Variants in ANKS1B observed in about 807,000 individuals in gnomAD.
The protein encoded by ANKS1B is ankyrin repeat and sterile alpha motif domain-containing protein 1B.
Under a neutral mutation model 148.3 loss-of-function variants are expected in ANKS1B, and 36 were observed. The ratio of observed to expected loss-of-function variants is 0.24; its 90% CI spans 0.19 to 0.32. ANKS1B has a LOEUF of 0.32. ANKS1B is among the 10% of genes least tolerant of loss of function. The pLI is 1.00. For synonymous variants in ANKS1B, 542 were observed against 560.8 expected (o/e 0.97, Z 0.47); for missense variants, 1,157 against 1,542.6 (o/e 0.75, Z 4.19).
intron 1 of ANKS1B, among the ~76,000 whole-genome samples, chr12:99,852,742 A>G (rs528635383): frequency 6.6e-6 from 1 of 152,342 alleles, no homozygotes; most frequent in South Asian, 2.1e-4. Flanking sequence ...GTGGATTGGC[A>G]CCGCAGGCTG....
At chr12:99,277,857 T>C (rs999598098) in intron 12 of ANKS1B, among the ~76,000 whole-genome samples, 1 of 152,244 alleles carries the variant, frequency 6.6e-6, no homozygotes, top group Non-Finnish European at 1.5e-5. Flanking sequence ...CATAGACTAT[T>C]CCTGAATAGG....
At chr12:99,234,309 G>GTAT (rs1270337753) in intron 14 of ANKS1B, among the ~76,000 whole-genome samples, 1 of 152,114 alleles carries the variant, frequency 6.6e-6, no homozygotes. Context: ...AAATCAATGT[G>GTAT]TATTAGACTT....
At position 99,230,520 on chromosome 12, in the gene ANKS1B, A is replaced by G. The variant is rs2086671687; in HGVS notation, c.2419+13822T>C. Among the ~76,000 whole-genome samples, 3 of 152,202 alleles carry G rather than the reference A, an allele frequency of 2.0e-5. No homozygotes were observed. The South Asian group carries it at 6.2e-4, about 31-fold the overall frequency. Reference sequence around the variant, plus strand: ...TCATAAGCAAATATTAGACCACAGAATAATACTCAACTATTTTACACTTAA... The same window carrying G: ...TCATAAGCAAATATTAGACCACAGAGTAATACTCAACTATTTTACACTTAA... On this transcript the variant is annotated intron_variant, in intron 14 of 26. Transcript: ENST00000683438.
At chr12:99,943,605 C>T (rs1049485726) in intron 1 of ANKS1B, among the ~76,000 whole-genome samples, 2 of 152,026 alleles carry the variant, frequency 1.3e-5, no homozygotes, top group African/African-American at 4.8e-5. Flanking sequence ...AGAGAACTCC[C>T]CTTTATAAAA....
intron 9 of ANKS1B, among the ~76,000 whole-genome samples, chr12:99,565,729 C>A (rs890751350): frequency 6.6e-6 from 1 of 152,130 alleles, no homozygotes; most frequent in Non-Finnish European, 1.5e-5. Context: ...CATCTCCTTT[C>A]CTTTTGTAGT....
intron 6 of ANKS1B, among the ~76,000 whole-genome samples, chr12:99,779,634 A>G (rs1299224764): frequency 6.6e-6 from 1 of 152,180 alleles, no homozygotes; most frequent in Non-Finnish European, 1.5e-5. Context: ...AAATATTTCT[A>G]TTATCAAATG....
At position 99,227,550 on chromosome 12, in the gene ANKS1B, T is replaced by C. The variant is rs915289527; in HGVS notation, c.2419+16792A>G. On this transcript the variant is annotated intron_variant, in intron 14 of 26. Coordinates refer to ENST00000683438, the MANE Select transcript of ANKS1B (RefSeq NM_001352186.2). ...GGAGCCTGTGGGGAGGAGAGATGTC[T>C]GATTAAATCTTGATCAAGCCAAGTC... Among the ~76,000 whole-genome samples the C allele has an allele frequency of 7.9e-5, 12 of 152,208 alleles. No homozygotes were observed. The East Asian group carries it at 2.3e-3, about 29-fold the overall frequency.
rs77216012 is a variant in ANKS1B, at chr12:99,802,097, A to C, written c.669+4307T>G. Among the ~76,000 whole-genome samples the C allele has an allele frequency of 9.1e-3, 1,379 of 152,314 alleles. 23 individuals are homozygous for C. The highest frequency in any genetic ancestry group is 0.031 in the African/African-American group (1,296 of 41,576). On this transcript the variant is annotated intron_variant, in intron 4 of 26. Transcript: ENST00000683438. ...ATGTACATATCTTATTTCTGGTGCC[A>C]CTATAAGCCTTTGAGAGCAAAAGCT...
intron 17 of ANKS1B, among the ~76,000 whole-genome samples, chr12:99,004,791 T>G (rs1368064481): frequency 6.6e-6 from 1 of 152,114 alleles, no homozygotes; most frequent in Non-Finnish European, 1.5e-5. Flanking sequence ...CATTTTTTTT[T>G]TTTGGCTCAT....
chr12:98,912,667 T>C (rs2099788413), intron 17 of ANKS1B, among the ~76,000 whole-genome samples: 1 of 152,244 alleles, frequency 6.6e-6, no homozygotes, highest in Admixed American at 6.5e-5. Flanking sequence ...GTTTGATGGA[T>C]GGAGACTGGT....
At chr12:99,534,834 C>G (rs191061073) in intron 9 of ANKS1B, among the ~76,000 whole-genome samples, 2,025 of 151,420 alleles carry the variant, frequency 0.013, 67 homozygotes, top group African/African-American at 0.047. Flanking sequence ...CTCAGCCTCC[C>G]GAGTAGCTGG....
intron 8 of ANKS1B, among the ~76,000 whole-genome samples, chr12:99,722,303 G>A (rs533841833): frequency 2.6e-5 from 4 of 152,346 alleles, no homozygotes; most frequent in Admixed American, 6.5e-5. Flanking sequence ...AGAAGTCAAC[G>A]TCTGGCTTCA....
At chr12:98,863,738 T>C (rs934445414) in intron 17 of ANKS1B, among the ~76,000 whole-genome samples, 1 of 152,314 alleles carries the variant, frequency 6.6e-6, no homozygotes, top group South Asian at 2.1e-4. Flanking sequence ...AGTAAACTTG[T>C]ACATTAGCCA....
chr12:99,649,332 C>G (rs1439904806), intron 9 of ANKS1B: 2 of 1,614,032 alleles, frequency 1.2e-6, no homozygotes, highest in East Asian at 2.2e-5. Flanking sequence ...AATTCAGAAT[C>G]AGTAGACTTC....
intron 17 of ANKS1B, among the ~76,000 whole-genome samples, chr12:98,874,493 G>A (rs1207707349): frequency 1.3e-5 from 2 of 152,086 alleles, no homozygotes; most frequent in African/African-American, 4.8e-5. Flanking sequence ...ATAAATGAAG[G>A]GTAATAATAC....
At chr12:99,793,860 AAACAATC>A (rs1366268705) in intron 4 of ANKS1B, among the ~76,000 whole-genome samples, 5 of 152,136 alleles carry the variant, frequency 3.3e-5, no homozygotes, top group Admixed American at 2.6e-4. Flanking sequence ...ACAGCAAAAG[AAACAATC>A]AACAAAGTGA....
chr12:99,122,801 A>G (rs975734214), intron 15 of ANKS1B, among the ~76,000 whole-genome samples: 1 of 152,038 alleles, frequency 6.6e-6, no homozygotes, highest in African/African-American at 2.4e-5. Context: ...CATTAGCTCA[A>G]TTATTTAAAG....
Position 99,894,025 on chromosome 12 carries a change from A to C in ANKS1B, c.135-68636T>G, listed in dbSNP as rs375538150. Reference sequence around the variant, plus strand: ...TTTAGAAAAGCCCCAAACATGAAAAATGAAGGCTGAAAAGTGAAAACCTGA... The same window carrying C: ...TTTAGAAAAGCCCCAAACATGAAAACTGAAGGCTGAAAAGTGAAAACCTGA... On this transcript the variant is annotated intron_variant, in intron 1 of 26. Coordinates refer to ENST00000683438, the MANE Select transcript of ANKS1B (RefSeq NM_001352186.2). 1.8e-4 allele frequency among the ~76,000 whole-genome samples: 28 copies of C among 152,250 alleles called. 2 individuals carry two copies. Among genetic ancestry groups the C allele is most frequent in the Middle Eastern group, 3.4e-3 (1 of 294 alleles).
At chr12:99,527,185 C>G (rs544790610) in intron 9 of ANKS1B, among the ~76,000 whole-genome samples, 1 of 152,074 alleles carries the variant, frequency 6.6e-6, no homozygotes, top group African/African-American at 2.4e-5. Flanking sequence ...TATGGAAACC[C>G]TAGCAAGCCA....
Sources: gnomAD v4.1 joint callset for allele counts (sites outside exome capture counted in the v4.1 genomes callset) on GRCh38, gnomAD v4.1.1 for gene constraint, MANE v1.5 for transcripts, NCBI Gene and HGNC (gene_info 2026-07-23, HGNC 2026-07-21) for gene names.